SHQ1: variants seen among roughly 807,000 people sequenced by gnomAD.
SHQ1 encodes the protein protein SHQ1 homolog.
A neutral mutation model predicts 53.8 loss-of-function variants in SHQ1; 49 were observed. The ratio of observed to expected loss-of-function variants is 0.91; its 90% CI spans 0.72 to 1.16. The LOEUF is 1.16. Among genes scored for constraint, SHQ1 ranks in the 50% most tolerant of loss-of-function variants. SHQ1 has a pLI of 0.00. For synonymous variants in SHQ1, 243 were observed against 251.0 expected, an observed-to-expected ratio of 0.97 and a Z score of 0.30; for missense variants, 738 against 683.1, an observed-to-expected ratio of 1.08 and a Z score of -0.90.
chr3:72,830,861 T>C (rs1343602389), intron 5 of SHQ1, among the ~76,000 whole-genome samples: 1 of 151,788 alleles, frequency 6.6e-6, no homozygotes. Flanking sequence ...AATATCACAC[T>C]GCTAACTATA....
Position 72,750,465 on chromosome 3 carries a change from G to A in SHQ1, c.1553C>T (p.Ser518Phe), listed in dbSNP as rs1359641704. The change falls in exon 11 of 11, where the codon TCT becomes TTT. Residue 518 changes from serine (S) to phenylalanine (F), a missense_variant. Physicochemically the swap from Ser to Phe is radical, Grantham distance 155. Coordinates refer to ENST00000325599, the MANE Select transcript of SHQ1 (RefSeq NM_018130.3). The part of the protein sequence containing the change: ...GVRRNTAIQE[S>F]DASQGKPLAS... ...AAGTGGCTTTCCCTGACTGGCATCA[G>A]ACTCCTGGATGGCTGTGTTTCTGCG... 6.2e-7 allele frequency: 1 copy of A among 1,614,070 alleles called. No homozygotes were observed. The highest frequency in any genetic ancestry group is 1.7e-5 in the Admixed American group (1 of 60,010).
At chr3:72,746,174 T>G (rs1177692616), downstream of SHQ1, among the ~76,000 whole-genome samples, 2 of 152,162 alleles carry the variant, frequency 1.3e-5, no homozygotes, top group Non-Finnish European at 2.9e-5. Flanking sequence ...AGGTGTCGTT[T>G]GGAGTCCCCC....
rs1347354727 is a variant in SHQ1, at chr3:72,765,552, TATATA to T, written c.1182-14721_1182-14717del. Among the ~76,000 whole-genome samples, 46 of 100,620 alleles carry T rather than the reference TATATA, an allele frequency of 4.6e-4. 1 individual carries two copies. The highest frequency in any genetic ancestry group is 5.7e-4 in the Non-Finnish European group (32 of 55,878). 66.0% of individuals were successfully genotyped at this position (100,620 alleles called of 152,430 possible). A position where few individuals can be genotyped will look rare whatever the true frequency, so the allele number is the denominator to read the frequency against. On this transcript the variant is annotated intron_variant, in intron 10 of 10. Coordinates refer to ENST00000325599, the MANE Select transcript of SHQ1 (RefSeq NM_018130.3). ...TGACATATATATATATATATATATA[TATATA>T]TTTTTTTTTTTTTTTTGAGACAGTC...
At chr3:72,840,130 T>C (rs907061950) in intron 4 of SHQ1, among the ~76,000 whole-genome samples, 22 of 148,924 alleles carry the variant, frequency 1.5e-4, no homozygotes, top group Middle Eastern at 7.0e-3. Context: ...TGGGCGCCTG[T>C]AATCCCAGCT....
intron 10 of SHQ1, chr3:72,753,696 T>A: frequency 1.1e-6 from 1 of 909,996 alleles, no homozygotes; most frequent in African/African-American, 1.8e-5. Context: ...CAAGGTGAGA[T>A]CCACTAGAGT....
In SHQ1 at chr3:72,815,430, C is replaced by A. The variant is rs768272468; in HGVS notation, c.883-27G>T. 1.1e-5 allele frequency: 18 copies of A among 1,583,932 alleles called. No homozygotes were observed. In the Admixed American group the frequency reaches 3.0e-4, roughly 26 times the overall value. On this transcript the variant is annotated intron_variant, in intron 7 of 10. Coordinates refer to ENST00000325599, the MANE Select transcript of SHQ1 (RefSeq NM_018130.3). The stretch of plus-strand genomic sequence containing the variant: ...TTTATTTGTTTTGGAGAAAAGAATA[C>A]CATCACATTAGAGGTGAAGTCATTT...
At chr3:72,819,639 T>A (rs1255033899) in intron 6 of SHQ1, among the ~76,000 whole-genome samples, 1 of 152,176 alleles carries the variant, frequency 6.6e-6, no homozygotes, top group East Asian at 1.9e-4. Context: ...GGGTTGGTTT[T>A]GCTATCTCAG....
At chr3:72,772,473 T>G in intron 10 of SHQ1, 1 of 486,450 alleles carries the variant, frequency 2.1e-6, no homozygotes, top group Non-Finnish European at 3.9e-6. Context: ...ATCTGGATCT[T>G]CAAATGCACA....
intron 9 of SHQ1, among the ~76,000 whole-genome samples, chr3:72,796,505 T>C (rs896195091): frequency 1.3e-5 from 2 of 151,862 alleles, no homozygotes; most frequent in Non-Finnish European, 2.9e-5. Context: ...ACAAAAAAAA[T>C]AAGAATAACA....
the SHQ1 span, among the ~76,000 whole-genome samples, chr3:72,736,027 C>T: frequency 2.6e-5 from 4 of 152,174 alleles, no homozygotes; most frequent in African/African-American, 9.7e-5. Flanking sequence ...TTCCAGCTTA[C>T]CAACTCAGAA....
chr3:72,805,283 T>C (rs1052869488), intron 9 of SHQ1, among the ~76,000 whole-genome samples: 2 of 152,254 alleles, frequency 1.3e-5, no homozygotes, highest in Admixed American at 6.5e-5. Flanking sequence ...TACATAATTG[T>C]AATTCTTACA....
At chr3:72,847,687 T>C (rs1708388461) in intron 1 of SHQ1, among the ~76,000 whole-genome samples, 1 of 152,048 alleles carries the variant, frequency 6.6e-6, no homozygotes, top group Non-Finnish European at 1.5e-5. Flanking sequence ...ACTAGGCTAA[T>C]TTGGTGTCAA....
At chr3:72,806,801 C>T (rs1184655994) in intron 9 of SHQ1, among the ~76,000 whole-genome samples, 1 of 152,158 alleles carries the variant, frequency 6.6e-6, no homozygotes, top group Non-Finnish European at 1.5e-5. Flanking sequence ...TGAAAATTTC[C>T]CTGACCCCTA....
At chr3:72,820,992 A>C (rs1707458483) in intron 6 of SHQ1, among the ~76,000 whole-genome samples, 1 of 152,124 alleles carries the variant, frequency 6.6e-6, no homozygotes, top group African/African-American at 2.4e-5. Context: ...TTCCTCTCTA[A>C]ATCCCCCTCC....
At chr3:72,766,850 C>T (rs1000481607) in intron 10 of SHQ1, among the ~76,000 whole-genome samples, 6 of 152,288 alleles carry the variant, frequency 3.9e-5, no homozygotes, top group Non-Finnish European at 4.4e-5. Flanking sequence ...GGTTGTCCAG[C>T]GGGCTTCACA....
intron 5 of SHQ1, among the ~76,000 whole-genome samples, chr3:72,829,031 A>G (rs974515417): frequency 2.0e-5 from 3 of 151,826 alleles, no homozygotes; most frequent in African/African-American, 7.3e-5. Flanking sequence ...TGAGGGCCAG[A>G]AACTGATGAA....
At chr3:72,785,583 C>T (rs758529071) in intron 10 of SHQ1, among the ~76,000 whole-genome samples, 2 of 152,158 alleles carry the variant, frequency 1.3e-5, no homozygotes, top group Admixed American at 6.5e-5. Context: ...AACAGTAGAC[C>T]CTCTTGTTCA....
chr3:72,729,024 G>C, the SHQ1 span, among the ~76,000 whole-genome samples: 20 of 152,212 alleles, frequency 1.3e-4, no homozygotes, highest in Admixed American at 5.9e-4. Flanking sequence ...CGTCCCATCT[G>C]TTCTTCCCCT....
At chr3:72,755,848 CTT>C in intron 10 of SHQ1, among the ~76,000 whole-genome samples, 1 of 152,160 alleles carries the variant, frequency 6.6e-6, no homozygotes, top group African/African-American at 2.4e-5. Context: ...TGTCCAAAAG[CTT>C]GGTCAAATGG....
Sources: gnomAD v4.1 joint callset for allele counts (sites outside exome capture counted in the v4.1 genomes callset) on GRCh38, gnomAD v4.1.1 for gene constraint, MANE v1.5 for transcripts, NCBI Gene and HGNC (gene_info 2026-07-23, HGNC 2026-07-21) for gene names.